The following VWC2 variants were observed in gnomAD, a reference collection of about 807,000 sequenced individuals.
The protein encoded by VWC2 is brorin.
VWC2 carries 14 observed loss-of-function variants against 29.8 expected under a neutral mutation model. The ratio of observed to expected loss-of-function variants is 0.47; its 90% confidence interval spans 0.31 to 0.74. The LOEUF (loss-of-function observed/expected upper bound fraction) is 0.74, where lower values mean the gene tolerates loss of function less well. VWC2 is among the 30% of genes least tolerant of loss of function. The pLI, the probability that VWC2 is intolerant of heterozygous loss-of-function variation, is 0.05. For synonymous variants in VWC2, 213 were observed against 199.0 expected (o/e 1.07, Z -0.59); for missense variants, 457 against 459.8 (o/e 0.99, Z 0.05).
At chr7:49,855,249 G>A (rs2128718121) in intron 3 of VWC2, among the ~76,000 whole-genome samples, 1 of 152,250 alleles carries the variant, frequency 6.6e-6, no homozygotes, top group South Asian at 2.1e-4. Context: ...ACAATAAATG[G>A]TTGAGGAAAA....
intron 3 of VWC2, among the ~76,000 whole-genome samples, chr7:49,892,693 G>A (rs1351808979): frequency 1.3e-5 from 2 of 152,204 alleles, no homozygotes; most frequent in Admixed American, 1.3e-4. Flanking sequence ...GCTTGTGCAA[G>A]CCCCAGGGAT....
chr7:49,805,899 C>A (rs1180274166), intron 3 of VWC2, among the ~76,000 whole-genome samples: 1 of 152,206 alleles, frequency 6.6e-6, no homozygotes, highest in African/African-American at 2.4e-5. Flanking sequence ...AGGAAAATTA[C>A]AGTTCAGTTG....
chr7:49,888,682 G>T (rs1360707269), intron 3 of VWC2, among the ~76,000 whole-genome samples: 1 of 152,140 alleles, frequency 6.6e-6, no homozygotes. Flanking sequence ...AGGCCTAGGT[G>T]GGTGGATCAC....
intron 3 of VWC2, among the ~76,000 whole-genome samples, chr7:49,823,172 G>A (rs9656599): frequency 0.86 from 130,708 of 152,154 alleles, 56,819 homozygotes; most frequent in East Asian, 0.93. Context: ...ATAGTTACGA[G>A]TATGGGTTCT....
intron 3 of VWC2, among the ~76,000 whole-genome samples, chr7:49,803,863 C>G (rs2128706176): frequency 6.6e-6 from 1 of 152,248 alleles, no homozygotes; most frequent in Middle Eastern, 3.4e-3. Context: ...CGTACCTGTA[C>G]ATATCCAGAT....
chr7:49,831,843 A>T (rs538593206), intron 3 of VWC2, among the ~76,000 whole-genome samples: 3 of 152,336 alleles, frequency 2.0e-5, no homozygotes, highest in African/African-American at 7.2e-5. Flanking sequence ...GAAGAACAGA[A>T]GATCTTTAAG....
At chr7:49,867,835 A>ATT (rs1229317602) in intron 3 of VWC2, among the ~76,000 whole-genome samples, 2 of 81,972 alleles carry the variant, frequency 2.4e-5, no homozygotes, top group Admixed American at 1.1e-4. Flanking sequence ...TTATTTTATT[A>ATT]TTTTATTTTA....
chr7:49,864,512 G>T (rs1050839980), intron 3 of VWC2, among the ~76,000 whole-genome samples: 2 of 152,156 alleles, frequency 1.3e-5, no homozygotes, highest in African/African-American at 4.8e-5. Flanking sequence ...CTCTTTCTGG[G>T]CTCTTTCTCC....
intron 3 of VWC2, among the ~76,000 whole-genome samples, chr7:49,877,098 G>A: frequency 6.6e-6 from 1 of 152,084 alleles, no homozygotes; most frequent in Non-Finnish European, 1.5e-5. Flanking sequence ...GTAGTGGTGT[G>A]AGAATCAAGT....
chr7:49,806,505 T>G (rs1374078242), intron 3 of VWC2, among the ~76,000 whole-genome samples: 1 of 152,224 alleles, frequency 6.6e-6, no homozygotes, highest in Non-Finnish European at 1.5e-5. Flanking sequence ...GCTTTATTTT[T>G]ACAGGAAAAC....
intron 2 of VWC2, among the ~76,000 whole-genome samples, chr7:49,800,602 C>G (rs1426610568): frequency 6.6e-6 from 1 of 152,068 alleles, no homozygotes; most frequent in East Asian, 1.9e-4. Context: ...TCCACACCAC[C>G]TGGGCTTGAG....
At chr7:49,819,670 C>A (rs1263287789) in intron 3 of VWC2, among the ~76,000 whole-genome samples, 1 of 152,122 alleles carries the variant, frequency 6.6e-6, no homozygotes, top group East Asian at 1.9e-4. Flanking sequence ...CTTTGAATTC[C>A]AGCTGATAAC....
At chr7:49,802,181 G>T (rs1788753121) in intron 2 of VWC2, among the ~76,000 whole-genome samples, 1 of 152,224 alleles carries the variant, frequency 6.6e-6, no homozygotes, top group Non-Finnish European at 1.5e-5. Context: ...GGCTGGACAG[G>T]AGAGGGAACA....
At chr7:49,851,167 C>T (rs528474091) in intron 3 of VWC2, among the ~76,000 whole-genome samples, 1 of 152,348 alleles carries the variant, frequency 6.6e-6, no homozygotes, top group Non-Finnish European at 1.5e-5. Flanking sequence ...TCACTGCAGG[C>T]TCTGCCTCCG....
intron 3 of VWC2, among the ~76,000 whole-genome samples, chr7:49,911,618 C>T (rs1343818831): frequency 2.0e-5 from 3 of 151,858 alleles, no homozygotes; most frequent in East Asian, 1.9e-4. Context: ...TACCATTGGC[C>T]GGGTGCAGTG....
At chr7:49,835,894 T>G (rs1789646453) in intron 3 of VWC2, among the ~76,000 whole-genome samples, 3 of 152,362 alleles carry the variant, frequency 2.0e-5, no homozygotes, top group Non-Finnish European at 4.4e-5. Flanking sequence ...TTTTTTTAAT[T>G]GTATGAAACA....
intron 3 of VWC2, among the ~76,000 whole-genome samples, chr7:49,878,559 C>G (rs937972013): frequency 3.3e-5 from 5 of 152,130 alleles, no homozygotes; most frequent in African/African-American, 1.2e-4. Flanking sequence ...CAGCTCTCAA[C>G]GCTCGGTCTA....
intron 3 of VWC2, among the ~76,000 whole-genome samples, chr7:49,836,754 GT>G (rs1789675270): frequency 6.6e-6 from 1 of 152,076 alleles, no homozygotes; most frequent in Non-Finnish European, 1.5e-5. Context: ...AATCTTTTAG[GT>G]TTTTTGTATG....
intron 3 of VWC2, among the ~76,000 whole-genome samples, chr7:49,841,826 C>T (rs1789799689): frequency 6.6e-6 from 1 of 151,974 alleles, no homozygotes; most frequent in Non-Finnish European, 1.5e-5. Flanking sequence ...TTATATTATG[C>T]TTGATAGAAA....
Sources: allele counts gnomAD v4.1 joint callset (sites outside exome capture counted in the v4.1 genomes callset), GRCh38; gene constraint gnomAD v4.1.1; transcripts MANE v1.5; gene names NCBI Gene and HGNC (gene_info 2026-07-23, HGNC 2026-07-21).